PCDH9: variants seen among roughly 807,000 people sequenced by gnomAD.
The protein encoded by PCDH9 is protocadherin 9.
A neutral mutation model predicts 70.6 loss-of-function variants in PCDH9; 24 were observed. That is an observed-to-expected ratio of 0.34 (90% CI 0.25 to 0.48). The LOEUF (loss-of-function observed/expected upper bound fraction) is 0.48, where lower values mean the gene tolerates loss of function less well. Among genes scored for constraint, PCDH9 ranks in the 20% least tolerant of loss-of-function variants. The probability of loss-of-function intolerance (pLI) is 0.99; values close to 1 mark genes in which losing one functional copy is unlikely to be tolerated. For missense variants in PCDH9, 1,281 were observed against 1,503.6 expected, an observed-to-expected ratio of 0.85 and a Z score of 2.45; for synonymous variants, 562 against 558.5, an observed-to-expected ratio of 1.01 and a Z score of -0.09.
chr13:66,376,108 A>G lies in PCDH9; in HGVS notation c.3341-71080T>C, dbSNP rs954320405. ...TGGAGAGAAAATTCCGTGCCCCCAG[A>G]TTTACCACTACCAAAAATAGAAGGA... On this transcript the variant is annotated intron_variant, in intron 4 of 4. Coordinates refer to ENST00000377865, the MANE Select transcript of PCDH9 (RefSeq NM_203487.3). Among the ~76,000 whole-genome samples, 17 of 152,204 alleles carry G rather than the reference A, an allele frequency of 1.1e-4. 1 individual carries two copies. In the South Asian group the frequency reaches 1.7e-3, roughly 15 times the overall value.
At chr13:66,710,757 C>T (rs1169639903) in intron 3 of PCDH9, among the ~76,000 whole-genome samples, 2 of 152,072 alleles carry the variant, frequency 1.3e-5, no homozygotes, top group Non-Finnish European at 2.9e-5. Flanking sequence ...GAATCCATTT[C>T]CTTGCCTTTT....
In PCDH9 at chr13:66,849,509, T is replaced by TAGAGAGAGAGAG. The variant is rs71766427; in HGVS notation, c.3138+53994_3138+53995insCTCTCTCTCTCT. On this transcript the variant is annotated intron_variant, in intron 3 of 4. Coordinates refer to ENST00000377865, the MANE Select transcript of PCDH9 (RefSeq NM_203487.3). The stretch of plus-strand genomic sequence containing the variant: ...AGGTATATATATATATATATATATA[T>TAGAGAGAGAGAG]ATATATATAGAGAGAGAGAGAGAGA... Among the ~76,000 whole-genome samples the TAGAGAGAGAGAG allele has an allele frequency of 3.1e-4, 27 of 86,646 alleles. 1 individual carries two copies. Among genetic ancestry groups the TAGAGAGAGAGAG allele is most frequent in the African/African-American group, 9.9e-4 (18 of 18,164 alleles). The allele number at this position is 86,646 out of a possible 152,430, so 56.8% of individuals were successfully genotyped here.
intron 4 of PCDH9, among the ~76,000 whole-genome samples, chr13:66,320,520 A>G (rs1392138110): frequency 6.6e-6 from 1 of 152,028 alleles, no homozygotes; most frequent in Non-Finnish European, 1.5e-5. Flanking sequence ...TGTTGTCTAG[A>G]ACAATTGGCT....
intron 2 of PCDH9, among the ~76,000 whole-genome samples, chr13:66,915,808 T>G (rs992231709): frequency 2.0e-5 from 3 of 151,690 alleles, no homozygotes; most frequent in Non-Finnish European, 4.4e-5. Flanking sequence ...TCAGTAGCTC[T>G]GAATCCCTTT....
chr13:66,861,843 C>A (rs2081489814), intron 3 of PCDH9, among the ~76,000 whole-genome samples: 2 of 152,060 alleles, frequency 1.3e-5, no homozygotes, highest in African/African-American at 4.8e-5. Context: ...TTAACAAAAT[C>A]ACAGGACAAA....
At chr13:66,811,951 T>C (rs1410701865) in intron 3 of PCDH9, among the ~76,000 whole-genome samples, 2 of 152,250 alleles carry the variant, frequency 1.3e-5, no homozygotes, top group Admixed American at 6.5e-5. Flanking sequence ...GTTATTGGGT[T>C]ACACACAGTA....
chr13:67,150,944 C>A (rs935250270), intron 2 of PCDH9, among the ~76,000 whole-genome samples: 1 of 152,180 alleles, frequency 6.6e-6, no homozygotes, highest in African/African-American at 2.4e-5. Flanking sequence ...TGCCCAAGGC[C>A]TTCCAATTGC....
intron 2 of PCDH9, chr13:67,201,404 C>T (rs2089208710): frequency 6.6e-6 from 1 of 151,894 alleles, no homozygotes; most frequent in Admixed American, 6.6e-5. Context: ...TTAATGAGGA[C>T]AAGTTTTAAT....
At chr13:66,677,056 T>A (rs1385620059) in intron 3 of PCDH9, among the ~76,000 whole-genome samples, 5 of 152,088 alleles carry the variant, frequency 3.3e-5, no homozygotes, top group Non-Finnish European at 5.9e-5. Flanking sequence ...AGGAATGTCA[T>A]GAAGGTTAAT....
intron 2 of PCDH9, among the ~76,000 whole-genome samples, chr13:67,055,671 T>A (rs2085404809): frequency 6.6e-6 from 1 of 151,458 alleles, no homozygotes; most frequent in Admixed American, 6.6e-5. Context: ...CATGATGGTG[T>A]GCACCTGTAG....
chr13:66,980,185 A>T (rs1457291123), intron 2 of PCDH9, among the ~76,000 whole-genome samples: 1 of 151,838 alleles, frequency 6.6e-6, no homozygotes, highest in South Asian at 2.1e-4. Flanking sequence ...CTTGATCTCA[A>T]TGAAGGCAAA....
chr13:67,061,316 C>G (rs2085534569), intron 2 of PCDH9, among the ~76,000 whole-genome samples: 1 of 151,880 alleles, frequency 6.6e-6, no homozygotes, highest in South Asian at 2.1e-4. Context: ...ATTTGACTAC[C>G]TCAACTGAAC....
At chr13:66,643,685 T>G (rs1382610339) in intron 3 of PCDH9, among the ~76,000 whole-genome samples, 1 of 152,088 alleles carries the variant, frequency 6.6e-6, no homozygotes, top group East Asian at 1.9e-4. Context: ...TGAATTGTAC[T>G]AAAAAATGTA....
chr13:66,371,510 A>G (rs1432536303), intron 4 of PCDH9, among the ~76,000 whole-genome samples: 1 of 152,074 alleles, frequency 6.6e-6, no homozygotes, highest in Admixed American at 6.6e-5. Flanking sequence ...AGGGGTATGT[A>G]TTGAGGTATA....
intron 4 of PCDH9, among the ~76,000 whole-genome samples, chr13:66,564,835 C>T (rs1465536340): frequency 6.6e-6 from 1 of 151,512 alleles, no homozygotes; most frequent in Non-Finnish European, 1.5e-5. Context: ...AAATTAAACT[C>T]ACTCAGAAAC....
At chr13:66,783,285 T>C (rs1255879273) in intron 3 of PCDH9, among the ~76,000 whole-genome samples, 1 of 152,136 alleles carries the variant, frequency 6.6e-6, no homozygotes, top group Non-Finnish European at 1.5e-5. Flanking sequence ...ATTCACATTC[T>C]ATAGAGAGGA....
chr13:67,060,179 T>C (rs149602528), intron 2 of PCDH9, among the ~76,000 whole-genome samples: 254 of 152,188 alleles, frequency 1.7e-3, no homozygotes, highest in Non-Finnish European at 2.3e-3. Flanking sequence ...GTAGATAAAG[T>C]GTCTGAGCCC....
chr13:66,485,334 C>A (rs1958919179), intron 4 of PCDH9, among the ~76,000 whole-genome samples: 2 of 152,070 alleles, frequency 1.3e-5, no homozygotes, highest in South Asian at 2.1e-4. Context: ...TAGATTATTT[C>A]TTGATATTTA....
intron 4 of PCDH9, among the ~76,000 whole-genome samples, chr13:66,505,091 T>C (rs1253189970): frequency 1.3e-5 from 2 of 152,212 alleles, no homozygotes; most frequent in Non-Finnish European, 2.9e-5. Flanking sequence ...ATTTGCTAAT[T>C]TATTTCATTT....
Sources: allele counts gnomAD v4.1 joint callset (sites outside exome capture counted in the v4.1 genomes callset), GRCh38; gene constraint gnomAD v4.1.1; transcripts MANE v1.5; gene names NCBI Gene and HGNC (gene_info 2026-07-23, HGNC 2026-07-21).